The following RGS12 variants were observed in gnomAD, a reference collection of about 807,000 sequenced individuals.
RGS12 encodes regulator of G protein signaling 12.
In RGS12, 66 loss-of-function variants were observed where a neutral mutation model predicts 120.1. The ratio of observed to expected loss-of-function variants is 0.55; its 90% CI spans 0.45 to 0.67. The LOEUF (loss-of-function observed/expected upper bound fraction) is 0.67, where lower values mean the gene tolerates loss of function less well. RGS12 is among the 30% of genes least tolerant of loss of function. RGS12 has a pLI of 0.00. For synonymous variants in RGS12, 827 were observed against 804.7 expected (o/e 1.03, Z -0.47); for missense variants, 1,859 against 1,957.7 (o/e 0.95, Z 0.95).
chr4:3,354,844 C>G (rs1204306305), intron 3 of RGS12, among the ~76,000 whole-genome samples: 1 of 152,142 alleles, frequency 6.6e-6, no homozygotes, highest in African/African-American at 2.4e-5. Flanking sequence ...AACAGAATTA[C>G]AGGACGTCAA....
intron 2 of RGS12, among the ~76,000 whole-genome samples, chr4:3,331,824 C>T (rs1227638122): frequency 6.6e-6 from 1 of 152,300 alleles, no homozygotes; most frequent in East Asian, 1.9e-4. Context: ...GAAGGAACGG[C>T]GGCTCCAGGG....
intron 13 of RGS12, among the ~76,000 whole-genome samples, chr4:3,424,615 C>T (rs1186670184): frequency 6.6e-6 from 1 of 152,218 alleles, no homozygotes; most frequent in African/African-American, 2.4e-5. Flanking sequence ...TTGGGGGGCA[C>T]CAGGGTGGAA....
chr4:3,390,637 G>A lies in RGS12; in HGVS notation c.2020+4200G>A, dbSNP rs1434690126. On this transcript the variant is annotated intron_variant, in intron 4 of 17. Transcript: ENST00000336727. The surrounding 1 kb of genome is among the most constrained non-coding windows in gnomAD (Gnocchi z 4.6). ...GCCTTCACCCAACACGCGGGCCTTT[G>A]GAGCTCAGACCTGGCCATGGCGGAA... 2.0e-5 allele frequency among the ~76,000 whole-genome samples: 3 copies of A among 152,220 alleles called. No individual in the cohort carries two copies. Among genetic ancestry groups the A allele is most frequent in the Non-Finnish European group, 4.4e-5 (3 of 68,040 alleles).
intron 3 of RGS12, among the ~76,000 whole-genome samples, chr4:3,361,474 G>A (rs1175520744): frequency 6.6e-6 from 1 of 152,192 alleles, no homozygotes; most frequent in Admixed American, 6.5e-5. Context: ...CTGTGTTAGC[G>A]TCTGGGATGA....
chr4:3,337,819 T>C (rs904210389), intron 2 of RGS12, among the ~76,000 whole-genome samples: 2 of 152,166 alleles, frequency 1.3e-5, no homozygotes, highest in African/African-American at 4.8e-5. Context: ...GCCAGCTAAC[T>C]TGGTAAATTT....
intron 17 of RGS12, among the ~76,000 whole-genome samples, chr4:3,435,803 T>C (rs1724754588): frequency 6.6e-6 from 1 of 152,118 alleles, no homozygotes; most frequent in South Asian, 2.1e-4. Flanking sequence ...AGAGTGGAAG[T>C]CTCAGGCCTG....
intron 2 of RGS12, among the ~76,000 whole-genome samples, chr4:3,335,463 C>T (rs890153111): frequency 1.3e-5 from 2 of 152,162 alleles, no homozygotes; most frequent in African/African-American, 2.4e-5. Flanking sequence ...TCTATGACAC[C>T]GACAGGGTCT....
In RGS12 at chr4:3,425,387, A is replaced by G. The variant is rs1001221663; in HGVS notation, c.3235-77A>G. 4.7e-6 allele frequency: 6 copies of G among 1,272,740 alleles called. No homozygotes were observed. In the African/African-American group the frequency reaches 5.9e-5, roughly 12 times the overall value. The allele number at this position is 1,272,740 out of a possible 1,614,324, so 78.8% of individuals were successfully genotyped here. A position where few individuals can be genotyped will look rare whatever the true frequency, so the allele number is the denominator to read the frequency against. ...TCCATCAAGCCTAGGACAGTCATGC[A>G]GTCGGGTGGGATCACACACATCTGT... On this transcript the variant is annotated intron_variant, in intron 13 of 17. Coordinates refer to ENST00000336727, the MANE Select transcript of RGS12 (RefSeq NM_001394154.1).
At chr4:3,331,059 G>A (rs1372022624) in intron 2 of RGS12, among the ~76,000 whole-genome samples, 1 of 152,202 alleles carries the variant, frequency 6.6e-6, no homozygotes, top group African/African-American at 2.4e-5. Flanking sequence ...ACTGGTTCTT[G>A]CAGGAATGGC....
At position 3,389,913 on chromosome 4, in the gene RGS12, A is replaced by G. The variant is rs1354765894; in HGVS notation, c.2020+3476A>G. Among the ~76,000 whole-genome samples, 2 of 151,718 alleles carry G rather than the reference A, an allele frequency of 1.3e-5. No individual in the cohort carries two copies. The highest frequency in any genetic ancestry group is 2.4e-5 in the African/African-American group (1 of 41,256). ...GTACTAGTCGCAGTCCTCCATCCCCATGTCCTCCTCATGCCTTGTGCCTCA... is the reference window on the plus strand; with the variant it reads ...GTACTAGTCGCAGTCCTCCATCCCCGTGTCCTCCTCATGCCTTGTGCCTCA... On this transcript the variant is annotated intron_variant, in intron 4 of 17. Transcript: ENST00000336727. The surrounding 1 kb of genome is among the most constrained non-coding windows in gnomAD (Gnocchi z 5.2).
intron 1 of RGS12, among the ~76,000 whole-genome samples, chr4:3,296,976 C>A (rs924682899): frequency 6.6e-6 from 1 of 152,188 alleles, no homozygotes; most frequent in South Asian, 2.1e-4. Flanking sequence ...TGGGGGCCAC[C>A]GTTGCAGAAG....
At chr4:3,324,048 T>C (rs1725392573) in intron 2 of RGS12, 1 of 152,368 alleles carries the variant, frequency 6.6e-6, no homozygotes. Context: ...CAGATTTTGG[T>C]CCCAGAGCTA....
Position 3,414,079 on chromosome 4 carries a change from G to A in RGS12, c.2028G>A (p.Thr676=), listed in dbSNP as rs776318784. The change falls in exon 5 of 18, where the codon ACG becomes ACA. Residue 676 remains threonine, a synonymous_variant. Coordinates refer to ENST00000336727, the MANE Select transcript of RGS12 (RefSeq NM_001394154.1). ...TCTGTGCTGGTCCCGCAGAGTTGAC[G>A]GGCGCCGACCTGAAGGACTGCGTCA... ...ESATVSDGEL[T]GADLKDCVSN... 75 of 1,560,184 alleles carry A rather than the reference G, an allele frequency of 4.8e-5. No individual in the cohort carries two copies. In the South Asian group the frequency reaches 7.6e-4, roughly 16 times the overall value.
At chr4:3,307,662 C>T (rs958605776) in intron 1 of RGS12, among the ~76,000 whole-genome samples, 13 of 152,204 alleles carry the variant, frequency 8.5e-5, no homozygotes, top group African/African-American at 3.1e-4. Context: ...CGTGGGTGTG[C>T]CAGCCTCGAG....
At position 3,316,972 on chromosome 4, in the gene RGS12, A is replaced by C; in HGVS notation, c.802A>C (p.Ile268Leu). ...CMRRLRAEQK[I>L]HSLVTMKIMH... ...GCGGCGCCTGCGGGCAGAGCAGAAAATCCACTCGCTGGTGACCATGAAGAT... is the reference window on the plus strand; with the variant it reads ...GCGGCGCCTGCGGGCAGAGCAGAAACTCCACTCGCTGGTGACCATGAAGAT... Residue 268 changes from isoleucine (I) to leucine (L), a missense_variant, in exon 2 of 18, where the codon ATC becomes CTC. By Grantham distance (5) the Ile-to-Leu change is conservative (BLOSUM62 2). Coordinates refer to ENST00000336727, the MANE Select transcript of RGS12 (RefSeq NM_001394154.1). 1 of 1,613,822 alleles carries C rather than the reference A, an allele frequency of 6.2e-7. No individual in the cohort carries two copies.
intron 2 of RGS12, among the ~76,000 whole-genome samples, chr4:3,340,989 G>A (rs1396185746): frequency 6.6e-6 from 1 of 151,978 alleles, no homozygotes; most frequent in African/African-American, 2.4e-5. Context: ...GCTGCCCTCT[G>A]CTGGGCATCG....
intron 17 of RGS12, among the ~76,000 whole-genome samples, chr4:3,439,242 T>C (rs73079038): frequency 0.022 from 3,275 of 152,126 alleles, 128 homozygotes; most frequent in African/African-American, 0.075. Context: ...GCAGGTGTTA[T>C]GTGGAGGGCT....
intron 4 of RGS12, chr4:3,407,431 C>A: frequency 6.6e-6 from 1 of 152,432 alleles, no homozygotes. Flanking sequence ...AGCAATGTCC[C>A]TGTGTGGGAC....
intron 17 of RGS12, among the ~76,000 whole-genome samples, chr4:3,434,540 T>C (rs1724628244): frequency 6.6e-6 from 1 of 152,172 alleles, no homozygotes; most frequent in South Asian, 2.1e-4. Flanking sequence ...ATGCTCACCT[T>C]CTGTTCTCGT....
Sources: allele counts gnomAD v4.1 joint callset (sites outside exome capture counted in the v4.1 genomes callset), GRCh38; gene constraint gnomAD v4.1.1; non-coding constraint Gnocchi (gnomAD v3.1); transcripts MANE v1.5; gene names NCBI Gene and HGNC (gene_info 2026-07-23, HGNC 2026-07-21).